Variants in LAMB1 observed in about 807,000 individuals in gnomAD.
LAMB1 encodes laminin subunit beta-1.
Under a neutral mutation model 222.3 loss-of-function variants are expected in LAMB1, and 121 were observed. That is an observed-to-expected ratio of 0.54 (90% confidence interval 0.47 to 0.63). The LOEUF is 0.63. LAMB1 is among the 30% of genes least tolerant of loss of function. The pLI is 0.00. For synonymous variants in LAMB1, 794 were observed against 807.2 expected, an observed-to-expected ratio of 0.98 and a Z score of 0.28; for missense variants, 2,172 against 2,240.8, an observed-to-expected ratio of 0.97 and a Z score of 0.62.
intron 24 of LAMB1, among the ~76,000 whole-genome samples, chr7:107,946,508 A>G (rs2033118272): frequency 6.6e-6 from 1 of 152,270 alleles, no homozygotes; most frequent in African/African-American, 2.4e-5. Flanking sequence ...GCTGCCCACA[A>G]GTAGCCAGGG....
intron 13 of LAMB1, among the ~76,000 whole-genome samples, chr7:107,965,302 G>A (rs1354316449): frequency 1.3e-5 from 2 of 152,212 alleles, no homozygotes; most frequent in African/African-American, 4.8e-5. Context: ...AAATGCGGCT[G>A]GGCACGGTGG....
intron 13 of LAMB1, among the ~76,000 whole-genome samples, chr7:107,971,083 G>A (rs1244256060): frequency 6.6e-6 from 1 of 152,114 alleles, no homozygotes; most frequent in African/African-American, 2.4e-5. Context: ...AATAGACATG[G>A]ATTATTAAAC....
intron 23 of LAMB1, among the ~76,000 whole-genome samples, 167 bp from the exon 24 acceptor site, chr7:107,951,489 C>T (rs566723871): frequency 2.6e-5 from 4 of 152,332 alleles, no homozygotes; most frequent in East Asian, 3.9e-4. Context: ...TCGAGAGCCC[C>T]ATGCCAGCAT....
intron 26 of LAMB1, chr7:107,936,263 G>A (rs1177197039): frequency 1.3e-5 from 2 of 152,254 alleles, no homozygotes; most frequent in African/African-American, 2.4e-5. Flanking sequence ...AAGTAAAGCT[G>A]GGTGTGGTGG....
At chr7:107,997,130 T>G (rs1232471200) in intron 4 of LAMB1, among the ~76,000 whole-genome samples, 3 of 152,104 alleles carry the variant, frequency 2.0e-5, no homozygotes, top group African/African-American at 7.2e-5. Flanking sequence ...ATATTGCAAT[T>G]TAACAGTCGA....
chr7:107,923,956 A>G lies in LAMB1; in HGVS notation c.5356T>C (p.Leu1786=), dbSNP rs2032490843. ...SQKVAVYSTC[L] The stretch of plus-strand genomic sequence containing the variant: ...CCATTTTTTATTCTCCTCTGTTACA[A>G]GCATGTGCTATACACAGCAACTTTC... The change falls in exon 34 of 34, where the codon TTG becomes CTG. Residue 1786 remains leucine (L), a synonymous_variant. Coordinates refer to ENST00000222399, the MANE Select transcript of LAMB1 (RefSeq NM_002291.3). The G allele has an allele frequency of 3.1e-6, 5 of 1,607,020 alleles. No homozygotes were observed. Among genetic ancestry groups the G allele is most frequent in the Non-Finnish European group, 3.4e-6 (4 of 1,178,122 alleles).
chr7:107,995,797 T>A (rs1412770894), intron 4 of LAMB1, among the ~76,000 whole-genome samples: 4 of 152,190 alleles, frequency 2.6e-5, no homozygotes, highest in Admixed American at 6.5e-5. Flanking sequence ...AGAGAGCTTT[T>A]GGGGTCCATC....
intron 26 of LAMB1, 84 bp from the exon 27 acceptor site, chr7:107,935,740 G>A (rs1339513681): frequency 7.0e-6 from 10 of 1,432,434 alleles, no homozygotes; most frequent in East Asian, 4.6e-5. Context: ...TGGTGTCTTC[G>A]GGTCCTAAAT....
intron 10 of LAMB1, 102 bp downstream of exon 10, chr7:107,975,587 T>C: frequency 7.6e-7 from 1 of 1,307,246 alleles, no homozygotes; most frequent in Non-Finnish European, 1.1e-6. Flanking sequence ...ATAACAATGC[T>C]GGCTTTACTG....
Position 107,952,172 on chromosome 7 carries a change from T to G in LAMB1, c.3131A>C (p.Asp1044Ala), listed in dbSNP as rs780824030. 6.2e-7 allele frequency: 1 copy of G among 1,613,452 alleles called. No homozygotes were observed. The highest frequency in any genetic ancestry group is 8.5e-7 in the Non-Finnish European group (1 of 1,179,528). ...GTVQEHCNGS[D>A]CQCDKATGQC... ...ACCAGTGGCTTTGTCGCACTGGCAG[T>G]CAGAGCCGTTACAGTGCTCTTGCAC... The change falls in exon 23 of 34, where the codon GAC becomes GCC. Residue 1044 changes from aspartate (D) to alanine (A), a missense_variant. Physicochemically the swap from Asp to Ala is moderately radical, Grantham distance 126. Coordinates refer to ENST00000222399, the MANE Select transcript of LAMB1 (RefSeq NM_002291.3).
intron 13 of LAMB1, among the ~76,000 whole-genome samples, chr7:107,968,701 T>A (rs2033682053): frequency 6.6e-6 from 1 of 151,954 alleles, no homozygotes; most frequent in South Asian, 2.1e-4. Flanking sequence ...AGCCCTTAGA[T>A]GACAGCCAGC....
intron 5 of LAMB1, among the ~76,000 whole-genome samples, chr7:107,993,049 T>C (rs2034215293): frequency 6.6e-6 from 1 of 152,190 alleles, no homozygotes; most frequent in South Asian, 2.1e-4. Flanking sequence ...ACACCCAATG[T>C]ACCCAACCCC....
At chr7:108,001,458 T>A in intron 3 of LAMB1, 100 bp downstream of exon 3, 1 of 1,321,268 alleles carries the variant, frequency 7.6e-7, no homozygotes, top group Non-Finnish European at 1.0e-6. Flanking sequence ...GCGCTTCCTA[T>A]CTGGATTGCT....
In LAMB1 at chr7:108,001,600, C is replaced by T. The variant is rs1335590170; in HGVS notation, c.171G>A (p.Gly57=). 2 of 1,612,872 alleles carry T rather than the reference C, an allele frequency of 1.2e-6. No individual in the cohort carries two copies. Among genetic ancestry groups the T allele is most frequent in the Admixed American group, 3.3e-5 (2 of 59,938 alleles). The stretch of plus-strand genomic sequence containing the variant: ...TACAGTAGGGTTCGGGCTTGTGCAG[C>T]CCGCACGTCGAGGTCACCGAAAGCT... The part of the protein sequence containing the change: ...AQKLSVTSTC[G]LHKPEPYCIV... Residue 57 remains glycine, a synonymous_variant, in exon 3 of 34, where the codon GGG becomes GGA. Transcript: ENST00000222399.
rs150124951 is a variant in LAMB1, at chr7:107,961,579, T to A, written c.1955A>T (p.Asn652Ile). 26 of 1,614,032 alleles carry A rather than the reference T, an allele frequency of 1.6e-5. No individual in the cohort carries two copies. Among genetic ancestry groups the A allele is most frequent in the Non-Finnish European group, 2.0e-5 (24 of 1,179,908 alleles). The change falls in exon 16 of 34, where the codon AAC becomes ATC. Residue 652 changes from asparagine to isoleucine, a missense_variant. Transcript: ENST00000222399. ...RCGNTIPDDD[N>I]QVVSLSPGSR... ...GCCTGGTGATAATGACACCACCTGG[T>A]TGTCATCATCGGGGATGGTATTACC...
At chr7:107,978,251 AC>A (rs914079010) in intron 8 of LAMB1, 84 bp from the exon 9 acceptor site, 13 of 1,460,166 alleles carry the variant, frequency 8.9e-6, no homozygotes, top group African/African-American at 2.8e-5. Context: ...AAAGTTTAAA[AC>A]CCTTTTTCAT....
At position 108,001,600 on chromosome 7, in the gene LAMB1, C is replaced by G; in HGVS notation, c.171G>C (p.Gly57=). The change falls in exon 3 of 34, where the codon GGG becomes GGC. Residue 57 remains glycine, a synonymous_variant. Transcript: ENST00000222399. ...AQKLSVTSTC[G]LHKPEPYCIV... is the part of the protein sequence containing the mutation. ...TACAGTAGGGTTCGGGCTTGTGCAGCCCGCACGTCGAGGTCACCGAAAGCT... is the reference window on the plus strand; with the variant it reads ...TACAGTAGGGTTCGGGCTTGTGCAGGCCGCACGTCGAGGTCACCGAAAGCT... 6.2e-7 allele frequency: 1 copy of G among 1,612,872 alleles called. No homozygotes were observed. The highest frequency in any genetic ancestry group is 1.1e-5 in the South Asian group (1 of 90,884).
intron 15 of LAMB1, among the ~76,000 whole-genome samples, 179 bp downstream of exon 15, chr7:107,962,722 AAAAG>A (rs1427559381): frequency 3.3e-5 from 5 of 151,516 alleles, no homozygotes; most frequent in Admixed American, 1.3e-4. Context: ...AAAAAAAAAA[AAAAG>A]AAAGAAAGAA....
At chr7:108,001,526 G>T in intron 3 of LAMB1, 32 bp downstream of exon 3, 1 of 1,551,884 alleles carries the variant, frequency 6.4e-7, no homozygotes, top group Non-Finnish European at 8.8e-7. Flanking sequence ...GGAGGCGCTA[G>T]CAGAGCCTCG....
Sources: allele counts gnomAD v4.1 joint callset (sites outside exome capture counted in the v4.1 genomes callset), GRCh38; gene constraint gnomAD v4.1.1; transcripts MANE v1.5; gene names NCBI Gene and HGNC (gene_info 2026-07-23, HGNC 2026-07-21).